The following ACER3 variants were observed in gnomAD, a reference collection of about 807,000 sequenced individuals.
ACER3 encodes alkCDase 3.
Under a neutral mutation model 48.9 loss-of-function variants are expected in ACER3, and 16 were observed. That is an observed-to-expected ratio of 0.33 (90% CI 0.22 to 0.50). ACER3 has a LOEUF of 0.50. Ranked by LOEUF, ACER3 falls within the 20% of genes least tolerant of loss-of-function variation. The pLI is 0.98. For synonymous variants in ACER3, 109 were observed against 107.8 expected, an observed-to-expected ratio of 1.01 and a Z score of -0.07; for missense variants, 227 against 326.0, an observed-to-expected ratio of 0.70 and a Z score of 2.34.
chr11:76,923,764 T>C (rs573097261), intron 1 of ACER3, among the ~76,000 whole-genome samples: 3 of 152,350 alleles, frequency 2.0e-5, no homozygotes, highest in South Asian at 2.1e-4. Flanking sequence ...CTTTATCCAA[T>C]GCCCAGTGTG....
intron 2 of ACER3, among the ~76,000 whole-genome samples, chr11:76,951,366 ATAT>A: frequency 6.6e-6 from 1 of 152,340 alleles, no homozygotes; most frequent in East Asian, 1.9e-4. Flanking sequence ...CTTGAAGTGG[ATAT>A]AGTCAACATA....
chr11:76,957,112 C>T (rs192550988), intron 2 of ACER3, among the ~76,000 whole-genome samples: 33 of 152,288 alleles, frequency 2.2e-4, no homozygotes, highest in Non-Finnish European at 2.8e-4. Flanking sequence ...TGGTACTCAA[C>T]GCATATGTCC....
In ACER3 at chr11:77,025,338, G is replaced by A. The variant is rs1591083140; in HGVS notation, c.*5011G>A. 1 of 149,994 alleles carries A rather than the reference G, an allele frequency of 6.7e-6. No homozygotes were observed. The highest frequency in any genetic ancestry group is 1.5e-5 in the Non-Finnish European group (1 of 67,728). 9.3% of individuals were successfully genotyped at this position (149,994 alleles called of 1,614,324 possible). On this transcript the variant is annotated 3_prime_UTR_variant, in exon 11 of 11. Coordinates refer to ENST00000532485, the MANE Select transcript of ACER3 (RefSeq NM_018367.7). ...ACTACAACCCATGGGCCAAATTCAG[G>A]CTGCGTTGTATGGCCTGCAAGGTAA...
rs570893370 is a variant in ACER3 at position 76,964,236 on chromosome 11, C to A, written c.267+5205C>A. On this transcript the variant is annotated intron_variant, in intron 3 of 10. Coordinates refer to ENST00000532485, the MANE Select transcript of ACER3 (RefSeq NM_018367.7). ...CACTGCTAGCACAGCAGTCTGAGAT[C>A]AAATTGCAAGGCAGCAGTGAGGCTG... Among the ~76,000 whole-genome samples, 10 of 151,480 alleles carry A rather than the reference C, an allele frequency of 6.6e-5. No individual in the cohort carries two copies. In the East Asian group the frequency reaches 1.9e-3, roughly 29 times the overall value.
intron 1 of ACER3, among the ~76,000 whole-genome samples, chr11:76,891,285 G>A (rs558252315): frequency 4.0e-5 from 6 of 149,436 alleles, no homozygotes; most frequent in South Asian, 4.2e-4. Context: ...TTTCATCCAC[G>A]GTTCCTGGCT....
intron 7 of ACER3, among the ~76,000 whole-genome samples, chr11:77,009,046 C>T (rs1555021583): frequency 1.3e-5 from 2 of 152,134 alleles, no homozygotes; most frequent in African/African-American, 4.8e-5. Flanking sequence ...AACAACAGAG[C>T]AAGACCCTGT....
chr11:76,908,202 C>T (rs535198749), intron 1 of ACER3, among the ~76,000 whole-genome samples: 1 of 152,324 alleles, frequency 6.6e-6, no homozygotes, highest in African/African-American at 2.4e-5. Context: ...TGCCACTGCA[C>T]TCTAGCCTGG....
At chr11:76,927,269 C>T (rs1016947309) in intron 2 of ACER3, among the ~76,000 whole-genome samples, 1 of 152,116 alleles carries the variant, frequency 6.6e-6, no homozygotes, top group Non-Finnish European at 1.5e-5. Flanking sequence ...ATGATCTTTG[C>T]GTCCCTATTG....
At chr11:76,865,958 C>A (rs867829368) in intron 1 of ACER3, among the ~76,000 whole-genome samples, 2 of 150,664 alleles carry the variant, frequency 1.3e-5, no homozygotes, top group Middle Eastern at 3.5e-3. Flanking sequence ...CTGGGAGGCA[C>A]GCACCACCAT....
intron 3 of ACER3, among the ~76,000 whole-genome samples, chr11:76,969,252 C>G (rs1290080947): frequency 6.6e-6 from 1 of 152,210 alleles, no homozygotes; most frequent in African/African-American, 2.4e-5. Context: ...GAGATACCAT[C>G]TCACACCAGT....
In ACER3 at chr11:77,021,217, T is replaced by G. The variant is rs1949466481; in HGVS notation, c.*890T>G. 3 of 152,236 alleles carry G rather than the reference T, an allele frequency of 2.0e-5. No individual in the cohort carries two copies. The highest frequency in any genetic ancestry group is 6.5e-5 in the Admixed American group (1 of 15,288). The allele number at this position is 152,236 out of a possible 1,614,324, so 9.4% of individuals were successfully genotyped here. ...CAGGGAATGTCATTACACTCTGATT[T>G]TTAAAATTATGCAGTATTTTCCAGT... On this transcript the variant is annotated 3_prime_UTR_variant, in exon 11 of 11. Coordinates refer to ENST00000532485, the MANE Select transcript of ACER3 (RefSeq NM_018367.7).
At chr11:76,963,699 C>T (rs1948060037) in intron 3 of ACER3, among the ~76,000 whole-genome samples, 1 of 151,418 alleles carries the variant, frequency 6.6e-6, no homozygotes, top group African/African-American at 2.5e-5. Flanking sequence ...AATTTCTTCT[C>T]CACCCTGTAT....
chr11:76,985,781 T>G, intron 5 of ACER3, 57 bp downstream of exon 5: 1 of 1,058,598 alleles, frequency 9.4e-7, no homozygotes, highest in Non-Finnish European at 1.3e-6. Flanking sequence ...TTTATGGAGT[T>G]TGACATATTT....
intron 3 of ACER3, among the ~76,000 whole-genome samples, chr11:76,973,934 T>C (rs2135140234): frequency 6.6e-6 from 1 of 152,338 alleles, no homozygotes; most frequent in East Asian, 1.9e-4. Context: ...CTTCATTCTA[T>C]AGTACTTGGA....
intron 7 of ACER3, 87 bp from the exon 8 acceptor site, chr11:77,014,929 A>C (rs192516713): frequency 1.2e-6 from 1 of 809,226 alleles, no homozygotes; most frequent in African/African-American, 1.7e-5. Flanking sequence ...AGCCCTTATA[A>C]AAAAGGAAGA....
chr11:76,873,510 G>A (rs944617267), intron 1 of ACER3, among the ~76,000 whole-genome samples: 1 of 152,158 alleles, frequency 6.6e-6, no homozygotes, highest in Non-Finnish European at 1.5e-5. Flanking sequence ...TCTGGGTAAT[G>A]AGTTAAGTTG....
At chr11:76,897,938 T>C (rs768483505) in intron 1 of ACER3, among the ~76,000 whole-genome samples, 2 of 152,248 alleles carry the variant, frequency 1.3e-5, no homozygotes, top group Non-Finnish European at 2.9e-5. Context: ...GTAAATTCCA[T>C]TTAATGATAG....
intron 4 of ACER3, among the ~76,000 whole-genome samples, chr11:76,984,716 G>A (rs1948652704): frequency 6.6e-6 from 1 of 152,176 alleles, no homozygotes; most frequent in Non-Finnish European, 1.5e-5. Context: ...ATAGATAAGG[G>A]AAGAGACAAT....
chr11:76,996,566 C>T (rs1363094133), intron 6 of ACER3, among the ~76,000 whole-genome samples: 1 of 151,674 alleles, frequency 6.6e-6, no homozygotes, highest in East Asian at 1.9e-4. Context: ...TACTGGCACC[C>T]ACCACCACAC....
Sources: gnomAD v4.1 joint callset for allele counts (sites outside exome capture counted in the v4.1 genomes callset) on GRCh38, gnomAD v4.1.1 for gene constraint, MANE v1.5 for transcripts, NCBI Gene and HGNC (gene_info 2026-07-23, HGNC 2026-07-21) for gene names.